MINAR1: variants seen among roughly 807,000 people sequenced by gnomAD.
MINAR1 encodes the protein major intrinsically disordered Notch2-binding receptor 1.
In MINAR1, 40 loss-of-function variants were observed where a neutral mutation model predicts 65.1. The ratio of observed to expected loss-of-function variants is 0.61; its 90% CI spans 0.48 to 0.80. The LOEUF is 0.80. Among genes scored for constraint, MINAR1 ranks in the 30% least tolerant of loss-of-function variants. MINAR1 has a pLI of 0.00. For synonymous variants in MINAR1, 482 were observed against 449.1 expected, an observed-to-expected ratio of 1.07 and a Z score of -0.93; for missense variants, 1,128 against 1,148.0, an observed-to-expected ratio of 0.98 and a Z score of 0.25.
Position 79,472,144 on chromosome 15 carries a change from T to TAAATGTTATGTTATATAATACCAATAA in MINAR1, c.*3761_*3787dup, listed in dbSNP as rs1485161091. On this transcript the variant is annotated 3_prime_UTR_variant, in exon 4 of 4. Coordinates refer to ENST00000305428, the MANE Select transcript of MINAR1 (RefSeq NM_015206.3). ...CTCTCAGCACACTCTTGGTGCTTGA[T>TAAATGTTATGTTATATAATACCAATAA]AAATGTTATGTTATATAATACCAAT... 2 of 152,072 alleles carry TAAATGTTATGTTATATAATACCAATAA rather than the reference T, an allele frequency of 1.3e-5. No individual in the cohort carries two copies. Among genetic ancestry groups the TAAATGTTATGTTATATAATACCAATAA allele is most frequent in the Non-Finnish European group, 2.9e-5 (2 of 67,862 alleles). The allele number at this position is 152,072 out of a possible 1,614,324, so 9.4% of individuals were successfully genotyped here.
intron 1 of MINAR1, among the ~76,000 whole-genome samples, chr15:79,453,696 G>A (rs574259429): frequency 1.3e-5 from 2 of 152,332 alleles, no homozygotes; most frequent in African/African-American, 4.8e-5. Context: ...CCATGCACCT[G>A]TTTCTATCCA....
chr15:79,463,081 C>T lies in MINAR1; in HGVS notation c.2313C>T (p.Tyr771=), dbSNP rs765503633. 2.2e-5 allele frequency: 35 copies of T among 1,612,674 alleles called. No individual in the cohort carries two copies. The highest frequency in any genetic ancestry group is 1.6e-4 in the Middle Eastern group (1 of 6,078). ...HRKSKEADRQ[Y]DIPPQHRLPK... ...CCCCTCTGCAGGCAGACAGGCAGTA[C>T]GACATTCCCCCACAGCACCGACTGC... Residue 771 remains tyrosine (Y), a synonymous_variant, in exon 3 of 4, where the codon TAC becomes TAT. Transcript: ENST00000305428.
upstream of MINAR1, among the ~76,000 whole-genome samples, chr15:79,430,845 T>A (rs1179069157): frequency 6.6e-6 from 1 of 152,234 alleles, no homozygotes; most frequent in East Asian, 1.9e-4. Context: ...ATTTAAAGTA[T>A]CCATTTATTA....
chr15:79,453,941 A>C (rs763020454), intron 1 of MINAR1, among the ~76,000 whole-genome samples: 17 of 152,196 alleles, frequency 1.1e-4, no homozygotes, highest in Non-Finnish European at 2.5e-4. Flanking sequence ...TTAGCTTGGA[A>C]GTCCTGAAAG....
chr15:79,413,575 T>A, the MINAR1 span: 1 of 152,268 alleles, frequency 6.6e-6, no homozygotes, highest in Non-Finnish European at 1.5e-5. Flanking sequence ...ACCTTGGCCT[T>A]GTCCCAATTT....
chr15:79,458,453 A>C lies in MINAR1; in HGVS notation c.2298+8A>C. 1.2e-6 allele frequency: 2 copies of C among 1,606,924 alleles called. No individual in the cohort carries two copies. Among genetic ancestry groups the C allele is most frequent in the Non-Finnish European group, 1.7e-6 (2 of 1,175,716 alleles). ...CATCGGAAATCTAAAGAGGTAATTT[A>C]AATTTAAGTTCACATAATCGGGCAC... On this transcript the variant is annotated splice_region_variant and intron_variant, in intron 2 of 3. Transcript: ENST00000305428.
At position 79,469,169 on chromosome 15, in the gene MINAR1, A is replaced by G. The variant is rs1390252823; in HGVS notation, c.*785A>G. ...AGGTCAGTATTTGAAAATCATGGCC[A>G]CTCCAAAGGATCTCCTGTTCTTGCT... is the stretch of plus-strand genomic sequence containing the variant. On this transcript the variant is annotated 3_prime_UTR_variant, in exon 4 of 4. Transcript: ENST00000305428. The G allele has an allele frequency of 2.0e-5, 3 of 152,352 alleles. No individual in the cohort carries two copies. The highest frequency in any genetic ancestry group is 7.3e-5 in the African/African-American group (3 of 41,330). The allele number at this position is 152,352 out of a possible 1,614,324, so 9.4% of individuals were successfully genotyped here. A position where few individuals can be genotyped will look rare whatever the true frequency, so the allele number is the denominator to read the frequency against.
chr15:79,422,406 G>C, the MINAR1 span: 1 of 151,994 alleles, frequency 6.6e-6, no homozygotes, highest in Non-Finnish European at 1.5e-5. Flanking sequence ...CAAAAAATTA[G>C]GCGTGGTGAT....
intron 1 of MINAR1, among the ~76,000 whole-genome samples, chr15:79,443,324 A>G (rs1247614166): frequency 6.6e-6 from 1 of 152,154 alleles, no homozygotes; most frequent in African/African-American, 2.4e-5. Context: ...GTCCCTTGAT[A>G]AGAAGAGTGG....
chr15:79,446,414 A>G (rs1465880893), intron 1 of MINAR1, among the ~76,000 whole-genome samples: 1 of 152,124 alleles, frequency 6.6e-6, no homozygotes, highest in Non-Finnish European at 1.5e-5. Context: ...AATAAGGAAT[A>G]TGAGTTATAA....
chr15:79,463,496 C>CA (rs1163370145), intron 3 of MINAR1, among the ~76,000 whole-genome samples, 175 bp downstream of exon 3: 7 of 152,206 alleles, frequency 4.6e-5, no homozygotes, highest in African/African-American at 1.7e-4. Flanking sequence ...AGACTTTTAA[C>CA]AAGGGGATCG....
rs1280734548 is a variant in MINAR1 at position 79,468,487 on chromosome 15, AATC to A, written c.*106_*108del. 4 of 1,025,740 alleles carry A rather than the reference AATC, an allele frequency of 3.9e-6. No homozygotes were observed. Among genetic ancestry groups the A allele is most frequent in the East Asian group, 5.2e-5 (2 of 38,704 alleles). The allele number at this position is 1,025,740 out of a possible 1,614,324, so 63.5% of individuals were successfully genotyped here. A position where few individuals can be genotyped will look rare whatever the true frequency, so the allele number is the denominator to read the frequency against. ...CAACAATTTGTTGAAATGGAGATGA[AATC>A]ATGGAGGCATTTCTACAAATGTTGA... is the stretch of plus-strand genomic sequence containing the variant. On this transcript the variant is annotated 3_prime_UTR_variant, in exon 4 of 4. Transcript: ENST00000305428.
At chr15:79,459,536 C>T (rs2141298918) in intron 2 of MINAR1, among the ~76,000 whole-genome samples, 1 of 152,248 alleles carries the variant, frequency 6.6e-6, no homozygotes, top group African/African-American at 2.4e-5. Context: ...TGTCCTGCTT[C>T]TAAAAGGTCA....
At chr15:79,447,686 C>A (rs1319685717) in intron 1 of MINAR1, among the ~76,000 whole-genome samples, 1 of 152,126 alleles carries the variant, frequency 6.6e-6, no homozygotes, top group Non-Finnish European at 1.5e-5. Flanking sequence ...CAGCATGGAA[C>A]TGATTTTTTA....
At position 79,456,181 on chromosome 15, in the gene MINAR1, G is replaced by A. The variant is rs1467141804; in HGVS notation, c.34G>A (p.Val12Met). The part of the protein sequence containing the change: ...ETSQETSLFL[V>M]KILEELDSKQ... The stretch of plus-strand genomic sequence containing the variant: ...CAGTCAGGAAACTTCCCTCTTCTTG[G>A]TGAAGATCTTGGAGGAACTGGACAG... The change falls in exon 2 of 4, where the codon GTG (valine) becomes ATG (methionine). Residue 12 changes from valine to methionine, a missense_variant. Val to Met is a conservative substitution (Grantham distance 21, BLOSUM62 1). Transcript: ENST00000305428. 1.2e-6 allele frequency: 2 copies of A among 1,613,786 alleles called. No homozygotes were observed. The highest frequency in any genetic ancestry group is 2.2e-5 in the East Asian group (1 of 44,864).
chr15:79,439,761 G>A (rs984526867), intron 1 of MINAR1, among the ~76,000 whole-genome samples: 1 of 151,900 alleles, frequency 6.6e-6, no homozygotes, highest in African/African-American at 2.4e-5. Context: ...GCTCAGGTTG[G>A]GTGTTCCCTA....
chr15:79,462,107 G>A (rs191351852), intron 2 of MINAR1, among the ~76,000 whole-genome samples: 7 of 151,934 alleles, frequency 4.6e-5, no homozygotes, highest in Admixed American at 2.0e-4. Context: ...ACTTCATATC[G>A]CCTCTAACCC....
chr15:79,439,291 G>GT, intron 1 of MINAR1, among the ~76,000 whole-genome samples: 2 of 96,074 alleles, frequency 2.1e-5, no homozygotes, highest in Non-Finnish European at 4.4e-5. Flanking sequence ...ATAGTGAGTG[G>GT]GTGGGCGTGG....
rs1191098450 is a variant in MINAR1 at position 79,454,730 on chromosome 15, T to C, written c.-50-1368T>C. Among the ~76,000 whole-genome samples the C allele has an allele frequency of 2.9e-5, 4 of 139,176 alleles. No individual in the cohort carries two copies. In the East Asian group the frequency reaches 8.2e-4, roughly 28 times the overall value. 91.3% of individuals were successfully genotyped at this position (139,176 alleles called of 152,430 possible). On this transcript the variant is annotated intron_variant, in intron 1 of 3. Transcript: ENST00000305428. The stretch of plus-strand genomic sequence containing the variant: ...CTCATTGTAAGAATTTTAGAAAAGA[T>C]GGGAAATAAAAAAAAACCTATAAAA...
Sources: allele counts gnomAD v4.1 joint callset (sites outside exome capture counted in the v4.1 genomes callset), GRCh38; gene constraint gnomAD v4.1.1; transcripts MANE v1.5; gene names NCBI Gene and HGNC (gene_info 2026-07-23, HGNC 2026-07-21).